The following SOX5 variants were observed in gnomAD, a reference collection of about 807,000 sequenced individuals.
SOX5 encodes SRY-box transcription factor 5, also known as transcription factor SOX-5.
Under a neutral mutation model 92.0 loss-of-function variants are expected in SOX5, and 9 were observed. The ratio of observed to expected loss-of-function variants is 0.10; its 90% CI spans 0.06 to 0.17. The LOEUF (loss-of-function observed/expected upper bound fraction) is 0.17, where lower values mean the gene tolerates loss of function less well. SOX5 is among the 10% of genes least tolerant of loss of function. The probability of loss-of-function intolerance (pLI) is 1.00; values close to 1 mark genes in which losing one functional copy is unlikely to be tolerated. For missense variants in SOX5, 642 were observed against 944.5 expected, an observed-to-expected ratio of 0.68 and a Z score of 4.20; for synonymous variants, 344 against 336.3, an observed-to-expected ratio of 1.02 and a Z score of -0.25.
At chr12:23,727,851 T>C (rs1178393247) in intron 6 of SOX5, among the ~76,000 whole-genome samples, 1 of 152,140 alleles carries the variant, frequency 6.6e-6, no homozygotes, top group Non-Finnish European at 1.5e-5. Flanking sequence ...AGATGGTTGC[T>C]TTCATTTCTT....
intron 4 of SOX5, among the ~76,000 whole-genome samples, chr12:24,206,542 G>A (rs746016369): frequency 2.5e-4 from 38 of 152,028 alleles, no homozygotes; most frequent in Non-Finnish European, 3.7e-4. Context: ...TTGTAATTAC[G>A]CTTACGGAAC....
intron 3 of SOX5, among the ~76,000 whole-genome samples, chr12:24,276,424 A>G (rs1161980148): frequency 1.3e-5 from 2 of 152,150 alleles, no homozygotes; most frequent in African/African-American, 2.4e-5. Flanking sequence ...AATGAGCTTT[A>G]AGTCATTATG....
intron 1 of SOX5, among the ~76,000 whole-genome samples, chr12:24,509,036 TCA>T (rs1181027897): frequency 2.6e-5 from 4 of 152,232 alleles, no homozygotes; most frequent in African/African-American, 7.2e-5. Context: ...ACACCAAATC[TCA>T]GAGGCAAATG....
In SOX5 at chr12:24,056,967, T is replaced by A. The variant is rs1336366100; in HGVS notation, c.-2+156376A>T. Among the ~76,000 whole-genome samples, 3 of 31,630 alleles carry A rather than the reference T, an allele frequency of 9.5e-5. No individual in the cohort carries two copies. The East Asian group carries it at 1.4e-3, about 15-fold the overall frequency. The allele number at this position is 31,630 out of a possible 152,430, so 20.8% of individuals were successfully genotyped here. A position where few individuals can be genotyped will look rare whatever the true frequency, so the allele number is the denominator to read the frequency against. On this transcript the variant is annotated intron_variant, in intron 4 of 4. Transcript: ENST00000446891. The stretch of plus-strand genomic sequence containing the variant: ...TCCAGCCTGGGCGACAGAGCGAGAC[T>A]CCGTCTCAAAAAAAAAAAAAAAAAA...
chr12:24,443,577 T>A (rs1415467913), intron 1 of SOX5, among the ~76,000 whole-genome samples: 2 of 152,226 alleles, frequency 1.3e-5, no homozygotes, highest in Non-Finnish European at 2.9e-5. Context: ...CAGTCAAGTG[T>A]CTATTTGTTT....
At chr12:23,708,012 A>T (rs1372550197) in intron 6 of SOX5, among the ~76,000 whole-genome samples, 1 of 152,100 alleles carries the variant, frequency 6.6e-6, no homozygotes, top group African/African-American at 2.4e-5. Context: ...ATGGTGCGAA[A>T]ACAAAAAAAT....
intron 1 of SOX5, among the ~76,000 whole-genome samples, chr12:23,946,415 G>A (rs888704944): frequency 6.6e-6 from 1 of 151,866 alleles, no homozygotes; most frequent in African/African-American, 2.4e-5. Context: ...AACCAAAGAG[G>A]ACAGATAAAA....
At chr12:23,627,878 T>G (rs1363022532) in intron 8 of SOX5, among the ~76,000 whole-genome samples, 2 of 151,964 alleles carry the variant, frequency 1.3e-5, no homozygotes, top group Non-Finnish European at 1.5e-5. Context: ...ATCTAACTGG[T>G]TACTCACTCT....
Position 23,796,103 on chromosome 12 carries a change from T to A in SOX5, c.482-40379A>T, listed in dbSNP as rs2095557318. 1.3e-5 allele frequency among the ~76,000 whole-genome samples: 2 copies of A among 152,102 alleles called. 1 individual carries two copies. Among genetic ancestry groups the A allele is most frequent in the South Asian group, 4.1e-4 (2 of 4,834 alleles). ...TTTAAAAAATCCTTTTAACTACAAC[T>A]CAGTTATGATGAACACTTTTAAATT... On this transcript the variant is annotated intron_variant, in intron 3 of 14. Transcript: ENST00000451604.
chr12:23,603,432 A>AATATATATATAAAATATATAT (rs1555193635), intron 9 of SOX5, among the ~76,000 whole-genome samples: 16 of 90,814 alleles, frequency 1.8e-4, no homozygotes, highest in Non-Finnish European at 3.4e-4. Flanking sequence ...CAGCAAAATA[A>AATATATATATAAAATATATAT]ATATATATAT....
intron 1 of SOX5, among the ~76,000 whole-genome samples, chr12:24,495,211 A>G (rs538958094): frequency 1.3e-5 from 2 of 152,328 alleles, no homozygotes; most frequent in East Asian, 3.9e-4. Context: ...ATATCATTCA[A>G]CAACTATCTA....
intron 3 of SOX5, among the ~76,000 whole-genome samples, chr12:23,773,676 A>C (rs1161519840): frequency 6.6e-6 from 1 of 152,124 alleles, no homozygotes; most frequent in Non-Finnish European, 1.5e-5. Context: ...CTGGCCTACC[A>C]GGGCATTTTT....
chr12:24,447,005 G>A (rs1270452029), intron 1 of SOX5, among the ~76,000 whole-genome samples: 1 of 152,168 alleles, frequency 6.6e-6, no homozygotes, highest in Non-Finnish European at 1.5e-5. Flanking sequence ...AAATATCCAT[G>A]AGTCCATATT....
chr12:23,540,248 G>T (rs1373903771), intron 13 of SOX5, among the ~76,000 whole-genome samples: 2 of 151,720 alleles, frequency 1.3e-5, no homozygotes, highest in African/African-American at 4.8e-5. Context: ...GATAGCATTA[G>T]GAGATATACC....
chr12:24,540,659 A>G (rs1952038191), intron 1 of SOX5, among the ~76,000 whole-genome samples: 1 of 152,214 alleles, frequency 6.6e-6, no homozygotes, highest in Admixed American at 6.5e-5. Context: ...TCAGGCTTGC[A>G]AATGATTCAA....
At chr12:23,557,475 TA>T (rs1945380186) in intron 11 of SOX5, among the ~76,000 whole-genome samples, 1 of 152,226 alleles carries the variant, frequency 6.6e-6, no homozygotes, top group Non-Finnish European at 1.5e-5. Context: ...TTCTCTGCCT[TA>T]AGAGATATAT....
chr12:23,824,454 A>G (rs1300167251), intron 3 of SOX5, among the ~76,000 whole-genome samples: 2 of 152,240 alleles, frequency 1.3e-5, no homozygotes, highest in African/African-American at 2.4e-5. Flanking sequence ...CTGAGGCTGT[A>G]GAACAGCAAA....
At chr12:23,813,083 C>G (rs2095907663) in intron 3 of SOX5, among the ~76,000 whole-genome samples, 1 of 152,144 alleles carries the variant, frequency 6.6e-6, no homozygotes, top group Middle Eastern at 3.4e-3. Context: ...AAATCTTTGG[C>G]TTTTTTGCCT....
chr12:23,821,782 C>A (rs2096123072), intron 3 of SOX5, among the ~76,000 whole-genome samples: 1 of 151,906 alleles, frequency 6.6e-6, no homozygotes, highest in Admixed American at 6.6e-5. Context: ...CTGAAATTTT[C>A]TTTTTTTGCT....
Sources: allele counts gnomAD v4.1 joint callset (sites outside exome capture counted in the v4.1 genomes callset), GRCh38; gene constraint gnomAD v4.1.1; transcripts MANE v1.5; gene names NCBI Gene and HGNC (gene_info 2026-07-23, HGNC 2026-07-21).